The following PTPRD variants were observed in gnomAD, a reference collection of about 807,000 sequenced individuals.
PTPRD encodes protein tyrosine phosphatase receptor type D, also known as receptor-type tyrosine-protein phosphatase delta.
A neutral mutation model predicts 214.5 loss-of-function variants in PTPRD; 34 were observed. The observed-to-expected ratio is 0.16, with a 90% CI of 0.12 to 0.21. The LOEUF (loss-of-function observed/expected upper bound fraction) is 0.21, where lower values mean the gene tolerates loss of function less well. Ranked by LOEUF, PTPRD falls within the 10% of genes least tolerant of loss-of-function variation. PTPRD has a pLI of 1.00. For synonymous variants in PTPRD, 1,128 were observed against 845.7 expected (o/e 1.33, Z -5.79); for missense variants, 2,545 against 2,398.7 (o/e 1.06, Z -1.27).
intron 2 of PTPRD, among the ~76,000 whole-genome samples, chr9:10,585,259 T>A (rs551521892): frequency 6.8e-6 from 1 of 147,574 alleles, no homozygotes; most frequent in Non-Finnish European, 1.5e-5. Context: ...TAATAACTTA[T>A]TTTTTGTGCT....
intron 3 of PTPRD, among the ~76,000 whole-genome samples, chr9:10,072,505 G>A (rs1425921162): frequency 2.0e-5 from 3 of 152,062 alleles, no homozygotes; most frequent in Non-Finnish European, 4.4e-5. Context: ...AAAGAACACA[G>A]CTTCCACAGC....
At chr9:10,588,683 T>C (rs1410542800) in intron 2 of PTPRD, among the ~76,000 whole-genome samples, 4 of 152,022 alleles carry the variant, frequency 2.6e-5, no homozygotes, top group African/African-American at 9.7e-5. Flanking sequence ...TATTTCAATA[T>C]GAGAAATTAT....
intron 2 of PTPRD, among the ~76,000 whole-genome samples, chr9:10,537,810 C>A: frequency 6.6e-6 from 1 of 152,100 alleles, no homozygotes; most frequent in East Asian, 1.9e-4. Flanking sequence ...CTGAAACAAG[C>A]CAGGCTTTTC....
intron 12 of PTPRD, among the ~76,000 whole-genome samples, chr9:8,720,190 C>G (rs2098477355): frequency 6.6e-6 from 1 of 152,144 alleles, no homozygotes; most frequent in Non-Finnish European, 1.5e-5. Flanking sequence ...TGGCTTGGCT[C>G]TTATATCTAG....
At chr9:10,097,171 G>T (rs200773856) in intron 3 of PTPRD, among the ~76,000 whole-genome samples, 3 of 111,074 alleles carry the variant, frequency 2.7e-5, no homozygotes, top group Non-Finnish European at 6.5e-5. Flanking sequence ...TCAGGTAACA[G>T]GATGCCTCCA....
chr9:10,231,925 C>G (rs2099611502), intron 3 of PTPRD, among the ~76,000 whole-genome samples: 1 of 149,124 alleles, frequency 6.7e-6, no homozygotes. Context: ...TGCACTCTCC[C>G]AAGACTGTAT....
chr9:9,830,618 G>C (rs1057287667), intron 5 of PTPRD, among the ~76,000 whole-genome samples: 1 of 151,884 alleles, frequency 6.6e-6, no homozygotes, highest in Non-Finnish European at 1.5e-5. Flanking sequence ...CTCATGTACT[G>C]CAGCTAGCAC....
chr9:8,965,312 G>A (rs750257375), intron 11 of PTPRD, among the ~76,000 whole-genome samples: 3 of 151,766 alleles, frequency 2.0e-5, no homozygotes, highest in Non-Finnish European at 2.9e-5. Context: ...CCCGGGAGGC[G>A]GAGGTTGCAG....
chr9:9,195,370 A>G (rs566488523), intron 9 of PTPRD, among the ~76,000 whole-genome samples: 2 of 152,228 alleles, frequency 1.3e-5, no homozygotes, highest in African/African-American at 4.8e-5. Context: ...AGGATGAAAC[A>G]TGCTTTGGGT....
chr9:8,646,464 T>C (rs978193729), intron 12 of PTPRD, among the ~76,000 whole-genome samples: 1 of 152,196 alleles, frequency 6.6e-6, no homozygotes, highest in African/African-American at 2.4e-5. Flanking sequence ...TTTTCCCAAA[T>C]ACATTTCCAC....
chr9:8,815,498 T>A (rs1049760496), intron 11 of PTPRD, among the ~76,000 whole-genome samples: 8 of 152,192 alleles, frequency 5.3e-5, no homozygotes, highest in African/African-American at 1.7e-4. Context: ...CATTAGCAGT[T>A]ACAAAAATTT....
intron 14 of PTPRD, among the ~76,000 whole-genome samples, chr9:8,613,080 A>C (rs1207501921): frequency 6.6e-6 from 1 of 152,216 alleles, no homozygotes; most frequent in Non-Finnish European, 1.5e-5. Context: ...ATTAGTAAAA[A>C]AAGACTTATA....
At chr9:8,699,037 T>C (rs2098005792) in intron 12 of PTPRD, among the ~76,000 whole-genome samples, 1 of 152,190 alleles carries the variant, frequency 6.6e-6, no homozygotes, top group Non-Finnish European at 1.5e-5. Flanking sequence ...TCTTTAAGGA[T>C]GGATTTCTCA....
intron 33 of PTPRD, among the ~76,000 whole-genome samples, chr9:8,458,046 T>C (rs761018051): frequency 1.3e-5 from 2 of 152,156 alleles, no homozygotes; most frequent in Non-Finnish European, 2.9e-5. Context: ...CAAGCATTTC[T>C]ATTTCAGAAA....
chr9:9,448,287 G>C (rs531627858), intron 8 of PTPRD, among the ~76,000 whole-genome samples: 3 of 152,092 alleles, frequency 2.0e-5, no homozygotes, highest in African/African-American at 4.8e-5. Flanking sequence ...ATCTCTAATT[G>C]TAGTCCCCAC....
intron 2 of PTPRD, among the ~76,000 whole-genome samples, chr9:10,374,920 G>A (rs948911760): frequency 8.6e-5 from 13 of 151,966 alleles, no homozygotes; most frequent in Non-Finnish European, 1.9e-4. Context: ...ATTTGGAACT[G>A]CAGTGAAACA....
intron 3 of PTPRD, among the ~76,000 whole-genome samples, chr9:10,256,432 A>G (rs141248898): frequency 5.3e-5 from 8 of 151,066 alleles, no homozygotes; most frequent in African/African-American, 7.4e-5. Context: ...ACACTCTAAC[A>G]TAATAAAAAT....
intron 3 of PTPRD, among the ~76,000 whole-genome samples, chr9:10,138,534 C>T (rs1160257297): frequency 6.6e-6 from 1 of 151,990 alleles, no homozygotes; most frequent in Non-Finnish European, 1.5e-5. Flanking sequence ...TCAAAAAAAT[C>T]AAGGGAGGAT....
chr9:10,354,961 CATTG>C (rs2097250193), intron 2 of PTPRD, among the ~76,000 whole-genome samples: 1 of 152,154 alleles, frequency 6.6e-6, no homozygotes, highest in African/African-American at 2.4e-5. Flanking sequence ...TCAATTTTTA[CATTG>C]TATTTGCTAA....
Sources: allele counts gnomAD v4.1 joint callset (sites outside exome capture counted in the v4.1 genomes callset), GRCh38; gene constraint gnomAD v4.1.1; transcripts MANE v1.5; gene names NCBI Gene and HGNC (gene_info 2026-07-23, HGNC 2026-07-21).